Variants in FREM2 observed in about 807,000 individuals in gnomAD.
The protein encoded by FREM2 is FRAS1-related extracellular matrix protein 2.
FREM2 carries 119 observed loss-of-function variants against 219.9 expected under a neutral mutation model. That is an observed-to-expected ratio of 0.54 (90% CI 0.47 to 0.63). The LOEUF (loss-of-function observed/expected upper bound fraction) is 0.63, where lower values mean the gene tolerates loss of function less well. FREM2 is among the 30% of genes least tolerant of loss of function. The probability of loss-of-function intolerance (pLI) is 0.00; values close to 1 mark genes in which losing one functional copy is unlikely to be tolerated. For missense variants in FREM2, 4,030 were observed against 3,993.6 expected (o/e 1.01, Z -0.25); for synonymous variants, 1,562 against 1,522.8 (o/e 1.03, Z -0.60).
chr13:38,886,154 T>C lies in FREM2; in HGVS notation c.*5367T>C, dbSNP rs926646054. 2.0e-5 allele frequency: 3 copies of C among 152,046 alleles called. No individual in the cohort carries two copies. Among genetic ancestry groups the C allele is most frequent in the Non-Finnish European group, 2.9e-5 (2 of 67,994 alleles). 9.4% of individuals were successfully genotyped at this position (152,046 alleles called of 1,614,324 possible). On this transcript the variant is annotated 3_prime_UTR_variant, in exon 24 of 24. Coordinates refer to ENST00000280481, the MANE Select transcript of FREM2 (RefSeq NM_207361.6). ...AATAAGAATGTAAATTTTTAAAAGC[T>C]AGCATTAAAAGTAAAGAGCAGTACA...
In FREM2 at chr13:38,689,222, A is replaced by G. The variant is rs1869676085; in HGVS notation, c.1878A>G (p.Arg626=). The change falls in exon 1 of 24, where the codon AGA becomes AGG. Residue 626 remains arginine (R), a synonymous_variant. Coordinates refer to ENST00000280481, the MANE Select transcript of FREM2 (RefSeq NM_207361.6). ...HPPHEKQELL[R]GLWRKEGAFY... is the part of the protein sequence containing the mutation. ...CCCATGAGAAGCAGGAACTTCTCAG[A>G]GGCCTTTGGAGGAAGGAGGGGGCAT... 2.5e-6 allele frequency: 4 copies of G among 1,613,992 alleles called. No homozygotes were observed. The highest frequency in any genetic ancestry group is 3.3e-4 in the Middle Eastern group (2 of 6,084).
intron 6 of FREM2, 147 bp downstream of exon 6, chr13:38,784,955 G>A (rs751446928): frequency 5.5e-5 from 49 of 894,670 alleles, no homozygotes; most frequent in Non-Finnish European, 7.5e-5. Flanking sequence ...AGGTTTCAAA[G>A]TTGGCTGCAT....
chr13:38,784,038 G>T, intron 5 of FREM2, among the ~76,000 whole-genome samples: 1 of 152,242 alleles, frequency 6.6e-6, no homozygotes. Flanking sequence ...GGCGGAGGTT[G>T]CAGCGAGCCA....
At chr13:38,873,815 G>A (rs1460549021) in intron 17 of FREM2, among the ~76,000 whole-genome samples, 3 of 152,066 alleles carry the variant, frequency 2.0e-5, no homozygotes, top group Non-Finnish European at 2.9e-5. Context: ...TGTTCATTTT[G>A]TTGTTGTCTT....
At chr13:38,854,826 A>G (rs1223165970) in intron 11 of FREM2, among the ~76,000 whole-genome samples, 1 of 152,198 alleles carries the variant, frequency 6.6e-6, no homozygotes, top group East Asian at 1.9e-4. Flanking sequence ...TTGAAGCAGA[A>G]AAAGGAAAAT....
Position 38,851,858 on chromosome 13 carries a change from T to C in FREM2, c.6915T>C (p.Pro2305=), listed in dbSNP as rs1877384060. 1.2e-6 allele frequency: 2 copies of C among 1,613,744 alleles called. No individual in the cohort carries two copies. The highest frequency in any genetic ancestry group is 8.5e-7 in the Non-Finnish European group (1 of 1,179,850). Residue 2305 remains proline (P), a synonymous_variant, in exon 11 of 24, where the codon CCT becomes CCC. Transcript: ENST00000280481. ...GSATSGEDYH[P]VSEEIEFKEG... The stretch of plus-strand genomic sequence containing the variant: ...CCACCTCTGGAGAAGACTACCACCC[T>C]GTGTCAGAAGGTATGGGGCTCCCAG...
chr13:38,783,568 C>CA (rs1287257664), intron 5 of FREM2, among the ~76,000 whole-genome samples: 2 of 150,470 alleles, frequency 1.3e-5, no homozygotes, highest in African/African-American at 4.9e-5. Flanking sequence ...AAAGAAATAT[C>CA]AAAATGTTTG....
At chr13:38,873,353 T>C (rs987027909) in intron 17 of FREM2, among the ~76,000 whole-genome samples, 1 of 152,214 alleles carries the variant, frequency 6.6e-6, no homozygotes, top group Non-Finnish European at 1.5e-5. Context: ...TAAATACAAA[T>C]TATGGCCTGA....
At chr13:38,786,697 T>C (rs914913647) in intron 6 of FREM2, among the ~76,000 whole-genome samples, 6 of 152,196 alleles carry the variant, frequency 3.9e-5, no homozygotes, top group African/African-American at 1.4e-4. Context: ...AAAAAAATCT[T>C]TCCTGTATGG....
At position 38,870,117 on chromosome 13, in the gene FREM2, T is replaced by C. The variant is rs185408851; in HGVS notation, c.7984-2625T>C. On this transcript the variant is annotated intron_variant, in intron 16 of 23. Coordinates refer to ENST00000280481, the MANE Select transcript of FREM2 (RefSeq NM_207361.6). ...TTTTCTTAGTTGCTTTAGGGAATAA[T>C]TATGCCTCTTTTTTACTATGTATTT... 1.8e-4 allele frequency among the ~76,000 whole-genome samples: 27 copies of C among 152,294 alleles called. No individual in the cohort carries two copies. In the East Asian group the frequency reaches 4.8e-3, roughly 27 times the overall value.
At chr13:38,716,384 A>G (rs1046110949) in intron 2 of FREM2, among the ~76,000 whole-genome samples, 3 of 152,152 alleles carry the variant, frequency 2.0e-5, no homozygotes, top group Non-Finnish European at 4.4e-5. Flanking sequence ...ACCTTACTGC[A>G]TATCTTGGTG....
chr13:38,835,309 A>G (rs532313674), intron 6 of FREM2, among the ~76,000 whole-genome samples: 9 of 152,154 alleles, frequency 5.9e-5, no homozygotes, highest in Non-Finnish European at 1.2e-4. Context: ...TGGTCTATAT[A>G]TCTGTTTTGG....
At chr13:38,756,432 T>G (rs1432565487) in intron 2 of FREM2, among the ~76,000 whole-genome samples, 1 of 152,110 alleles carries the variant, frequency 6.6e-6, no homozygotes, top group African/African-American at 2.4e-5. Context: ...TGAACAAAAC[T>G]TATCTAGCAC....
chr13:38,806,749 A>G (rs1216667635), intron 6 of FREM2, among the ~76,000 whole-genome samples: 1 of 151,918 alleles, frequency 6.6e-6, no homozygotes, highest in African/African-American at 2.4e-5. Flanking sequence ...TAAGACAACA[A>G]TGAAGTATCT....
intron 2 of FREM2, among the ~76,000 whole-genome samples, chr13:38,744,815 C>CAGCCA (rs1165596328): frequency 5.3e-5 from 8 of 152,204 alleles, no homozygotes; most frequent in Non-Finnish European, 8.8e-5. Context: ...TTACAGTAAA[C>CAGCCA]AGCCAACACT....
intron 11 of FREM2, among the ~76,000 whole-genome samples, chr13:38,853,416 A>G (rs1321048855): frequency 6.6e-6 from 1 of 151,890 alleles, no homozygotes; most frequent in Non-Finnish European, 1.5e-5. Context: ...GTCCAATATT[A>G]CATTTATGAA....
At chr13:38,838,896 G>A (rs899505994) in intron 6 of FREM2, among the ~76,000 whole-genome samples, 5 of 151,808 alleles carry the variant, frequency 3.3e-5, no homozygotes, top group Admixed American at 2.6e-4. Context: ...CTTGCATTGG[G>A]TTAGAGCATG....
At chr13:38,756,673 A>G (rs1873016339) in intron 2 of FREM2, among the ~76,000 whole-genome samples, 2 of 151,928 alleles carry the variant, frequency 1.3e-5, no homozygotes, top group East Asian at 1.9e-4. Context: ...GACTACAGGC[A>G]TGTGCCACCA....
intron 2 of FREM2, among the ~76,000 whole-genome samples, chr13:38,709,575 G>T (rs1452378047): frequency 1.3e-5 from 2 of 151,970 alleles, no homozygotes; most frequent in Non-Finnish European, 2.9e-5. Context: ...TATATATTAT[G>T]CAGAATATAC....
Sources: gnomAD v4.1 joint callset for allele counts (sites outside exome capture counted in the v4.1 genomes callset) on GRCh38, gnomAD v4.1.1 for gene constraint, MANE v1.5 for transcripts, NCBI Gene and HGNC (gene_info 2026-07-23, HGNC 2026-07-21) for gene names.